AHNAK: variants seen among roughly 807,000 people sequenced by gnomAD.
The protein encoded by AHNAK is AHNAK nucleoprotein.
A neutral mutation model predicts 37.8 loss-of-function variants in AHNAK; 23 were observed. The observed-to-expected ratio is 0.61, with a 90% CI of 0.44 to 0.86. The LOEUF is 0.86. Among genes scored for constraint, AHNAK ranks in the 40% least tolerant of loss-of-function variants. The pLI is 0.00. For missense variants in AHNAK, 7,411 were observed against 7,319.4 expected (o/e 1.01, Z -0.46); for synonymous variants, 2,481 against 2,636.3 (o/e 0.94, Z 1.80).
chr11:62,475,275 C>A (rs1210190774), intron 5 of AHNAK, among the ~76,000 whole-genome samples: 1 of 151,774 alleles, frequency 6.6e-6, no homozygotes, highest in East Asian at 1.9e-4. Flanking sequence ...TGCACTCCAA[C>A]CTGGGGCAAT....
chr11:62,522,803 T>G lies in AHNAK; in HGVS notation c.11614A>C (p.Lys3872Gln). Residue 3872 changes from lysine to glutamine, a missense_variant, in exon 5 of 5, where the codon AAG becomes CAG. Physicochemically the swap from Lys to Gln is moderately conservative, Grantham distance 53. Transcript: ENST00000378024. ...KMPEMNIKAP[K>Q]ISMPDIDLNL... ...AGATCAATGTCAGGCATGGAGATCT[T>G]GGGGGCTTTGATGTTCATCTCAGGC... The G allele has an allele frequency of 6.2e-7, 1 of 1,614,038 alleles. No individual in the cohort carries two copies. Among genetic ancestry groups the G allele is most frequent in the Non-Finnish European group, 8.5e-7 (1 of 1,180,010 alleles).
At chr11:62,509,342 T>C (rs1939866816) in intron 4 of AHNAK, among the ~76,000 whole-genome samples, 1 of 150,528 alleles carries the variant, frequency 6.6e-6, no homozygotes, top group Non-Finnish European at 1.5e-5. Flanking sequence ...CCAAGGTGGG[T>C]GGATCACTTG....
chr11:62,512,074 C>A (rs1053490967), downstream of AHNAK, among the ~76,000 whole-genome samples: 1 of 152,180 alleles, frequency 6.6e-6, no homozygotes, highest in Non-Finnish European at 1.5e-5. This position sits in a 1 kb window ranked among gnomAD's most constrained non-coding sequence, Gnocchi z 4.0. Context: ...CTCAAACTCC[C>A]GAGCCCAGGC....
At chr11:62,471,422 ACCT>A (rs769155046) in intron 5 of AHNAK, among the ~76,000 whole-genome samples, 31 of 152,084 alleles carry the variant, frequency 2.0e-4, no homozygotes, top group Admixed American at 5.2e-4. Context: ...TGATCCGCCC[ACCT>A]CAGCCTCCCA....
At chr11:62,473,702 A>T (rs1342684098) in intron 5 of AHNAK, among the ~76,000 whole-genome samples, 4 of 150,966 alleles carry the variant, frequency 2.6e-5, no homozygotes, top group Non-Finnish European at 5.9e-5. Context: ...AAAAAGCTGT[A>T]TAAAACAATG....
Position 62,527,500 on chromosome 11 carries a change from T to C in AHNAK, c.6917A>G (p.His2306Arg). 2 of 1,613,920 alleles carry C rather than the reference T, an allele frequency of 1.2e-6. No homozygotes were observed. The highest frequency in any genetic ancestry group is 1.7e-6 in the Non-Finnish European group (2 of 1,179,986). The stretch of plus-strand genomic sequence containing the variant: ...CATGGAGATCTTGGGGGTCTTGAAG[T>C]GCATCTCAGGCATCTTAAACTTGGG... ...KGPKFKMPEM[H>R]FKTPKISMPD... Residue 2306 changes from histidine to arginine, a missense_variant, in exon 5 of 5, where the codon CAC (histidine) becomes CGC (arginine). Coordinates refer to ENST00000378024, the MANE Select transcript of AHNAK (RefSeq NM_001620.3).
chr11:62,499,954 A>G (rs1384989942), intron 4 of AHNAK, among the ~76,000 whole-genome samples: 1 of 152,198 alleles, frequency 6.6e-6, no homozygotes, highest in Non-Finnish European at 1.5e-5. Flanking sequence ...CAGGAAGGAG[A>G]GCCTGCTGCT....
intron 5 of AHNAK, among the ~76,000 whole-genome samples, chr11:62,443,886 G>C (rs965116649): frequency 6.6e-6 from 1 of 152,210 alleles, no homozygotes; most frequent in Non-Finnish European, 1.5e-5. Flanking sequence ...CTTGGACTCA[G>C]CCCTGGGCCT....
Position 62,521,699 on chromosome 11 carries a change from G to A in AHNAK, c.12718C>T (p.Leu4240=). The change falls in exon 5 of 5, where the codon CTA becomes TTA. Residue 4240 remains leucine (L), a synonymous_variant. Coordinates refer to ENST00000378024, the MANE Select transcript of AHNAK (RefSeq NM_001620.3). ...GGCATCTTGAATTTAGGGCCCTTTA[G>A]TTTCGCATCTGGACCTTCGATATTC... ...DVNIEGPDAK[L]KGPKFKMPEM... The A allele has an allele frequency of 1.9e-6, 3 of 1,613,988 alleles. No individual in the cohort carries two copies. Among genetic ancestry groups the A allele is most frequent in the Non-Finnish European group, 1.7e-6 (2 of 1,180,010 alleles).
chr11:62,437,766 T>C (rs542654013), intron 5 of AHNAK, among the ~76,000 whole-genome samples: 1 of 152,354 alleles, frequency 6.6e-6, no homozygotes, highest in South Asian at 2.1e-4. Context: ...GCTGTACCTC[T>C]TCCACACTCC....
intron 5 of AHNAK, among the ~76,000 whole-genome samples, chr11:62,451,598 C>G (rs1025160956): frequency 6.6e-5 from 10 of 151,924 alleles, no homozygotes; most frequent in African/African-American, 2.4e-4. Context: ...ATCATCCAGG[C>G]ATAGTGGCGT....
rs762753215 is a variant in AHNAK at position 62,531,088 on chromosome 11, A to G, written c.3329T>C (p.Ile1110Thr). ...DVDIRGPKVD[I>T]KAPDVEGQGL... Reference sequence around the variant, plus strand: ...TTGGCCTTCCACATCTGGTGCTTTAATATCTACCTTGGGACCTCTGATGTC... The same window carrying G: ...TTGGCCTTCCACATCTGGTGCTTTAGTATCTACCTTGGGACCTCTGATGTC... The change falls in exon 5 of 5, where the codon ATT becomes ACT. Residue 1110 changes from isoleucine to threonine, a missense_variant. Ile to Thr is a moderately conservative substitution (Grantham distance 89). Transcript: ENST00000378024. 1.9e-6 allele frequency: 3 copies of G among 1,613,902 alleles called. No homozygotes were observed. Among genetic ancestry groups the G allele is most frequent in the South Asian group, 1.1e-5 (1 of 91,074 alleles).
In AHNAK at chr11:62,535,827, C is replaced by G. The variant is rs909914422; in HGVS notation, c.154+118G>C. 4 of 1,358,984 alleles carry G rather than the reference C, an allele frequency of 2.9e-6. No homozygotes were observed. In the African/African-American group the frequency reaches 5.9e-5, roughly 20 times the overall value. The allele number at this position is 1,358,984 out of a possible 1,614,324, so 84.2% of individuals were successfully genotyped here. A position where few individuals can be genotyped will look rare whatever the true frequency, so the allele number is the denominator to read the frequency against. The stretch of plus-strand genomic sequence containing the variant: ...TTGGGTACCAACCACCCTGATGCCA[C>G]TGGGAATGGGCCCTCGACAGCCACT... On this transcript the variant is annotated intron_variant, in intron 3 of 4. Coordinates refer to ENST00000378024, the MANE Select transcript of AHNAK (RefSeq NM_001620.3).
chr11:62,458,956 G>C (rs1938726188), intron 5 of AHNAK, among the ~76,000 whole-genome samples: 1 of 152,168 alleles, frequency 6.6e-6, no homozygotes, highest in Non-Finnish European at 1.5e-5. Context: ...AAGCTGGCCA[G>C]GCCCTGGTGT....
chr11:62,435,103 C>A (rs1490490835), intron 5 of AHNAK, among the ~76,000 whole-genome samples: 1 of 152,154 alleles, frequency 6.6e-6, no homozygotes, highest in Admixed American at 6.5e-5. Flanking sequence ...CTACCTCCTG[C>A]CCTCCCCCTA....
rs759946113 is a variant in AHNAK at position 62,519,142 on chromosome 11, T to A, written c.15275A>T (p.Asp5092Val). Residue 5092 changes from aspartate to valine, a missense_variant, in exon 5 of 5, where the codon GAT (aspartate) becomes GTT (valine). Asp to Val is a radical substitution (Grantham distance 152). Coordinates refer to ENST00000378024, the MANE Select transcript of AHNAK (RefSeq NM_001620.3). Reference sequence around the variant, plus strand: ...AGGTGATTTAATGTCAAACTCTACATCTGGGAAGTACATTTTTCCAAACAT... The same window carrying A: ...AGGTGATTTAATGTCAAACTCTACAACTGGGAAGTACATTTTTCCAAACAT... ...KTMFGKMYFP[D>V]VEFDIKSPKF... 5.6e-6 allele frequency: 9 copies of A among 1,613,756 alleles called. No individual in the cohort carries two copies. The highest frequency in any genetic ancestry group is 7.6e-6 in the Non-Finnish European group (9 of 1,179,960).
chr11:62,467,562 G>A (rs564904130), intron 5 of AHNAK, among the ~76,000 whole-genome samples: 1 of 152,344 alleles, frequency 6.6e-6, no homozygotes, highest in East Asian at 1.9e-4. Context: ...GCGCGCGCCT[G>A]TAATTCCCGC....
intron 5 of AHNAK, among the ~76,000 whole-genome samples, chr11:62,444,490 CAGG>C (rs762125177): frequency 6.6e-6 from 1 of 152,242 alleles, no homozygotes; most frequent in Non-Finnish European, 1.5e-5. Flanking sequence ...CTCTGTCTGC[CAGG>C]AGATTAGGCA....
chr11:62,461,541 G>C (rs1167554621), intron 5 of AHNAK, among the ~76,000 whole-genome samples: 1 of 152,020 alleles, frequency 6.6e-6, no homozygotes, highest in Non-Finnish European at 1.5e-5. Context: ...GTTAGAGAAG[G>C]GCCAAGCCTA....
Sources: allele counts gnomAD v4.1 joint callset (sites outside exome capture counted in the v4.1 genomes callset), GRCh38; gene constraint gnomAD v4.1.1; non-coding constraint Gnocchi (gnomAD v3.1); transcripts MANE v1.5; gene names NCBI Gene and HGNC (gene_info 2026-07-23, HGNC 2026-07-21).